FAM171A1: variants seen among roughly 807,000 people sequenced by gnomAD.
The protein encoded by FAM171A1 is family with sequence similarity 171 member A1, also known as protein FAM171A1.
In FAM171A1, 23 loss-of-function variants were observed where a neutral mutation model predicts 74.9. That is an observed-to-expected ratio of 0.31 (90% CI 0.22 to 0.44). The LOEUF (loss-of-function observed/expected upper bound fraction) is 0.44, where lower values mean the gene tolerates loss of function less well. Ranked by LOEUF, FAM171A1 falls within the 20% of genes least tolerant of loss-of-function variation. The probability of loss-of-function intolerance (pLI) is 1.00; values close to 1 mark genes in which losing one functional copy is unlikely to be tolerated. For synonymous variants in FAM171A1, 527 were observed against 505.7 expected (o/e 1.04, Z -0.57); for missense variants, 1,162 against 1,159.2 (o/e 1.00, Z -0.03).
chr10:15,294,198 T>A (rs1479080072), intron 1 of FAM171A1, among the ~76,000 whole-genome samples: 1 of 152,184 alleles, frequency 6.6e-6, no homozygotes, highest in East Asian at 1.9e-4. Flanking sequence ...CTTTTCTCAT[T>A]AAACCAGCTA....
intron 3 of FAM171A1, among the ~76,000 whole-genome samples, chr10:15,269,942 T>C (rs1037129722): frequency 2.6e-5 from 4 of 152,174 alleles, no homozygotes; most frequent in African/African-American, 9.7e-5. Flanking sequence ...GATGGCCGAA[T>C]AGGAACAGCT....
At chr10:15,337,669 G>C (rs1564283993) in intron 1 of FAM171A1, among the ~76,000 whole-genome samples, 3 of 75,690 alleles carry the variant, frequency 4.0e-5, no homozygotes. Context: ...AGCAGTAGGG[G>C]TTGGCGCGGT....
At position 15,280,410 on chromosome 10, in the gene FAM171A1, C is replaced by T. The variant is rs972428261; in HGVS notation, c.325+3468G>A. On this transcript the variant is annotated intron_variant, in intron 2 of 7. Transcript: ENST00000378116. ...GGCCATTGCCATGGTCCTGGACCATCGCTAAGGACCTGGGCCAGGGTGATC... is the reference window on the plus strand; with the variant it reads ...GGCCATTGCCATGGTCCTGGACCATTGCTAAGGACCTGGGCCAGGGTGATC... 2.6e-5 allele frequency among the ~76,000 whole-genome samples: 4 copies of T among 152,192 alleles called. No homozygotes were observed. The East Asian group carries it at 5.8e-4, about 22-fold the overall frequency.
chr10:15,237,982 A>C (rs1429043103), intron 5 of FAM171A1, among the ~76,000 whole-genome samples: 1 of 152,212 alleles, frequency 6.6e-6, no homozygotes, highest in South Asian at 2.1e-4. Context: ...GGTAAGTTGA[A>C]TTCCTCCTTT....
At chr10:15,355,390 A>G (rs1835921229) in intron 1 of FAM171A1, among the ~76,000 whole-genome samples, 1 of 152,106 alleles carries the variant, frequency 6.6e-6, no homozygotes, top group Admixed American at 6.6e-5. Flanking sequence ...TCTTGTTTGT[A>G]TATCAACAGT....
chr10:15,267,820 G>A (rs943352612), intron 3 of FAM171A1, among the ~76,000 whole-genome samples: 10 of 152,068 alleles, frequency 6.6e-5, no homozygotes, highest in African/African-American at 2.4e-4. Context: ...AGGCTGGACA[G>A]CCACGACGGA....
chr10:15,285,990 C>A (rs1289494509), intron 1 of FAM171A1, among the ~76,000 whole-genome samples: 1 of 152,220 alleles, frequency 6.6e-6, no homozygotes, highest in Non-Finnish European at 1.5e-5. Context: ...AGCCATGTAG[C>A]CTTGGGCAGT....
At chr10:15,254,662 C>T in intron 4 of FAM171A1, 59 bp downstream of exon 4, 2 of 1,566,566 alleles carry the variant, frequency 1.3e-6, no homozygotes, top group Non-Finnish European at 1.7e-6. Flanking sequence ...TACCTAAAAT[C>T]CACATGTAAA....
intron 1 of FAM171A1, among the ~76,000 whole-genome samples, chr10:15,367,555 A>G (rs985392268): frequency 9.9e-5 from 15 of 152,150 alleles, no homozygotes; most frequent in Non-Finnish European, 2.2e-4. Context: ...ATACAATGTC[A>G]CCGTAAGTTA....
chr10:15,297,603 C>T (rs1410683169), intron 1 of FAM171A1, among the ~76,000 whole-genome samples: 2 of 152,112 alleles, frequency 1.3e-5, no homozygotes, highest in African/African-American at 2.4e-5. Flanking sequence ...GTGAAATATA[C>T]AATAACAAAT....
chr10:15,356,675 A>G (rs569386104), intron 1 of FAM171A1, among the ~76,000 whole-genome samples: 2 of 152,280 alleles, frequency 1.3e-5, no homozygotes, highest in East Asian at 1.9e-4. Context: ...ATATGGGATA[A>G]ATGGATGAAT....
intron 6 of FAM171A1, among the ~76,000 whole-genome samples, chr10:15,220,439 G>A (rs370325731): frequency 1.4e-4 from 21 of 152,358 alleles, no homozygotes; most frequent in Middle Eastern, 3.4e-3. Context: ...GTCACGTTCT[G>A]AAAGATATGC....
intron 5 of FAM171A1, among the ~76,000 whole-genome samples, chr10:15,245,567 G>C (rs1271392228): frequency 1.3e-5 from 2 of 152,198 alleles, no homozygotes; most frequent in African/African-American, 4.8e-5. Flanking sequence ...TATAACAACA[G>C]TGGGTACTAT....
intron 1 of FAM171A1, among the ~76,000 whole-genome samples, chr10:15,369,041 C>T (rs2131896691): frequency 6.6e-6 from 1 of 152,148 alleles, no homozygotes; most frequent in South Asian, 2.1e-4. Context: ...ACTTGATCTC[C>T]CACTCCAACC....
chr10:15,353,772 T>C (rs1177823253), intron 1 of FAM171A1, among the ~76,000 whole-genome samples: 1 of 151,746 alleles, frequency 6.6e-6, no homozygotes, highest in Non-Finnish European at 1.5e-5. Context: ...GCTCCTACAA[T>C]GCAGGCGGCT....
At chr10:15,331,883 A>ATGTG (rs2131860214) in intron 1 of FAM171A1, among the ~76,000 whole-genome samples, 1 of 132,758 alleles carries the variant, frequency 7.5e-6, no homozygotes, top group African/African-American at 2.6e-5. Context: ...GTGTATACAT[A>ATGTG]TATATATATA....
chr10:15,251,682 G>T (rs1291064792), intron 4 of FAM171A1, among the ~76,000 whole-genome samples: 1 of 152,006 alleles, frequency 6.6e-6, no homozygotes, highest in African/African-American at 2.4e-5. Context: ...AAAGTGCTGG[G>T]ATTACAGGTG....
chr10:15,360,814 C>A (rs898434661), intron 1 of FAM171A1, among the ~76,000 whole-genome samples: 2 of 152,220 alleles, frequency 1.3e-5, no homozygotes, highest in Non-Finnish European at 2.9e-5. Context: ...CTAGAAACCA[C>A]GCCTTCATCA....
chr10:15,277,768 T>C (rs1173798842), intron 2 of FAM171A1, among the ~76,000 whole-genome samples: 3 of 151,414 alleles, frequency 2.0e-5, no homozygotes, highest in Non-Finnish European at 4.4e-5. Flanking sequence ...CTGGCTCTTT[T>C]TTTTTGAGAT....
Sources: allele counts gnomAD v4.1 joint callset (sites outside exome capture counted in the v4.1 genomes callset), GRCh38; gene constraint gnomAD v4.1.1; transcripts MANE v1.5; gene names NCBI Gene and HGNC (gene_info 2026-07-23, HGNC 2026-07-21).